TTC7A: variants seen among roughly 807,000 people sequenced by gnomAD.
TTC7A encodes the protein tetratricopeptide repeat protein 7A.
TTC7A carries 110 observed loss-of-function variants against 103.7 expected under a neutral mutation model. That is an observed-to-expected ratio of 1.06 (90% CI 0.91 to 1.24). The LOEUF (loss-of-function observed/expected upper bound fraction) is 1.24, where lower values mean the gene tolerates loss of function less well. TTC7A is among the 50% of genes most tolerant of loss of function. The pLI is 0.00. For missense variants in TTC7A, 1,340 were observed against 1,116.3 expected (o/e 1.20, Z -2.86); for synonymous variants, 521 against 467.9 (o/e 1.11, Z -1.47).
chr2:47,003,929 T>C (rs969151871), intron 8 of TTC7A, among the ~76,000 whole-genome samples: 2 of 152,232 alleles, frequency 1.3e-5, no homozygotes, highest in Non-Finnish European at 2.9e-5. Flanking sequence ...GCTGTATTCC[T>C]AGTTGGCTCA....
At chr2:46,958,387 T>C (rs1672073323) in intron 3 of TTC7A, 5 of 820,356 alleles carry the variant, frequency 6.1e-6, no homozygotes. Flanking sequence ...CCTTCAGCCA[T>C]GGACGCCCTG....
At chr2:47,028,840 C>T (rs1265251641) in intron 14 of TTC7A, among the ~76,000 whole-genome samples, 2 of 152,186 alleles carry the variant, frequency 1.3e-5, no homozygotes, top group Non-Finnish European at 2.9e-5. Context: ...GCTGCACCCC[C>T]TACCTGGAGC....
rs1039601397 is a variant in TTC7A at position 47,023,461 on chromosome 2, G to A, written c.1564G>A (p.Glu522Lys). The A allele has an allele frequency of 1.9e-6, 3 of 1,613,972 alleles. No individual in the cohort carries two copies. The African/African-American group carries it at 4.0e-5, about 22-fold the overall frequency. Residue 522 changes from glutamate (E) to lysine (K), a missense_variant, in exon 13 of 20, where the codon GAG (glutamate) becomes AAG (lysine). Physicochemically the swap from Glu to Lys is moderately conservative, Grantham distance 56 (BLOSUM62 1). Coordinates refer to ENST00000319190, the MANE Select transcript of TTC7A (RefSeq NM_020458.4). ...ELHRKALQTL[E>K]RAQQLAPSDP... ...GCACCGGAAGGCACTGCAGACGCTG[G>A]AGAGGTGAGGAGGCTCCCACCTGCA...
At chr2:47,038,889 G>A (rs892961003) in intron 15 of TTC7A, among the ~76,000 whole-genome samples, 1 of 152,080 alleles carries the variant, frequency 6.6e-6, no homozygotes, top group African/African-American at 2.4e-5. Flanking sequence ...TCAGCAATTT[G>A]TTGAGTGATA....
chr2:46,918,143 C>G (rs1476355993), intron 2 of TTC7A, among the ~76,000 whole-genome samples: 1 of 152,224 alleles, frequency 6.6e-6, no homozygotes, highest in African/African-American at 2.4e-5. Context: ...GCATCTCAAA[C>G]TTAATGTGTC....
At chr2:46,971,522 C>A (rs1433553185) in intron 3 of TTC7A, among the ~76,000 whole-genome samples, 1 of 152,110 alleles carries the variant, frequency 6.6e-6, no homozygotes, top group Non-Finnish European at 1.5e-5. Context: ...GAAGTTGGAC[C>A]TTACTCTGTA....
At chr2:46,924,649 T>C (rs1051760169) in intron 2 of TTC7A, among the ~76,000 whole-genome samples, 1 of 152,098 alleles carries the variant, frequency 6.6e-6, no homozygotes, top group Non-Finnish European at 1.5e-5. Context: ...CCCCTGGAGA[T>C]AGGGTCTTGC....
chr2:46,933,965 G>T (rs1296352104), intron 2 of TTC7A, among the ~76,000 whole-genome samples: 1 of 152,156 alleles, frequency 6.6e-6, no homozygotes, highest in Non-Finnish European at 1.5e-5. Flanking sequence ...ATTAGGCTTG[G>T]TGCTCTACTT....
chr2:47,008,325 C>A (rs1405782139), intron 10 of TTC7A, among the ~76,000 whole-genome samples: 1 of 152,314 alleles, frequency 6.6e-6, no homozygotes, highest in South Asian at 2.1e-4. Context: ...TGCAAGTTAG[C>A]TTTAAATCCG....
intron 19 of TTC7A, chr2:47,068,099 G>C (rs935753782): frequency 6.6e-6 from 1 of 152,326 alleles, no homozygotes; most frequent in Non-Finnish European, 1.5e-5. Context: ...ATCTGTGCCC[G>C]TTGGGGCAGA....
chr2:47,026,832 A>T (rs554728016), intron 14 of TTC7A, among the ~76,000 whole-genome samples: 2 of 152,350 alleles, frequency 1.3e-5, no homozygotes, highest in South Asian at 4.1e-4. Flanking sequence ...GAGAAACTGC[A>T]GCTCAGAGAG....
intron 2 of TTC7A, among the ~76,000 whole-genome samples, chr2:46,928,984 A>G (rs181517561): frequency 1.5e-4 from 22 of 151,454 alleles, no homozygotes; most frequent in Non-Finnish European, 2.9e-4. Context: ...CCAACATGGC[A>G]AAACTCTGTC....
chr2:47,013,398 A>T (rs1485656076), intron 11 of TTC7A, among the ~76,000 whole-genome samples: 1 of 152,144 alleles, frequency 6.6e-6, no homozygotes, highest in Non-Finnish European at 1.5e-5. Context: ...TATGAGCCAG[A>T]GTGTGCAGAG....
At chr2:47,049,883 A>G in intron 16 of TTC7A, 66 bp from the exon 17 acceptor site, 4 of 1,213,884 alleles carry the variant, frequency 3.3e-6, no homozygotes, top group Non-Finnish European at 4.8e-6. Context: ...CTGGCCCTCT[A>G]CCTCACTGGG....
chr2:46,970,130 C>T (rs1263838671), intron 3 of TTC7A, among the ~76,000 whole-genome samples: 1 of 152,164 alleles, frequency 6.6e-6, no homozygotes, highest in Non-Finnish European at 1.5e-5. Context: ...GCTTGAGTCA[C>T]AAGTGTGCGC....
At chr2:46,974,089 T>G (rs1673623899) in intron 3 of TTC7A, among the ~76,000 whole-genome samples, 1 of 152,190 alleles carries the variant, frequency 6.6e-6, no homozygotes, top group Admixed American at 6.5e-5. Context: ...CCACCAAAAT[T>G]GTAACTGAAA....
intron 2 of TTC7A, among the ~76,000 whole-genome samples, chr2:46,951,139 G>C (rs183741776): frequency 1.3e-5 from 2 of 152,140 alleles, no homozygotes; most frequent in Non-Finnish European, 2.9e-5. Flanking sequence ...TTAAGTCCAC[G>C]TGTATTTATC....
chr2:46,921,512 C>A (rs1237161142), intron 2 of TTC7A, among the ~76,000 whole-genome samples: 1 of 152,190 alleles, frequency 6.6e-6, no homozygotes, highest in Non-Finnish European at 1.5e-5. Context: ...GTGCTCTAGT[C>A]CTGCAATAGT....
intron 15 of TTC7A, among the ~76,000 whole-genome samples, chr2:47,037,538 A>G (rs1333756276): frequency 6.6e-6 from 1 of 152,226 alleles, no homozygotes; most frequent in Non-Finnish European, 1.5e-5. Flanking sequence ...ATAGCTCAAG[A>G]TCACATAGCT....
Sources: allele counts gnomAD v4.1 joint callset (sites outside exome capture counted in the v4.1 genomes callset), GRCh38; gene constraint gnomAD v4.1.1; transcripts MANE v1.5; gene names NCBI Gene and HGNC (gene_info 2026-07-23, HGNC 2026-07-21).